EIPR1: variants seen among roughly 807,000 people sequenced by gnomAD.
The protein encoded by EIPR1 is EARP and GARP complex-interacting protein 1.
In EIPR1, 25 loss-of-function variants were observed where a neutral mutation model predicts 48.1. That is an observed-to-expected ratio of 0.52 (90% CI 0.38 to 0.73). The LOEUF (loss-of-function observed/expected upper bound fraction) is 0.73, where lower values mean the gene tolerates loss of function less well. EIPR1 is among the 30% of genes least tolerant of loss of function. The pLI, the probability that EIPR1 is intolerant of heterozygous loss-of-function variation, is 0.00. For synonymous variants in EIPR1, 204 were observed against 201.9 expected, an observed-to-expected ratio of 1.01 and a Z score of -0.09; for missense variants, 415 against 506.2, an observed-to-expected ratio of 0.82 and a Z score of 1.73.
intron 5 of EIPR1, among the ~76,000 whole-genome samples, chr2:3,198,312 T>C (rs1664881039): frequency 6.6e-6 from 1 of 152,180 alleles, no homozygotes; most frequent in South Asian, 2.1e-4. Flanking sequence ...CCCAGTCCTA[T>C]GCAAATGGGC....
At chr2:3,204,324 C>T (rs995810251) in intron 5 of EIPR1, among the ~76,000 whole-genome samples, 2 of 152,350 alleles carry the variant, frequency 1.3e-5, no homozygotes, top group South Asian at 2.1e-4. Flanking sequence ...AAACTTCACA[C>T]TCACAGGTGC....
At chr2:3,216,092 C>T (rs1007837644) in intron 4 of EIPR1, among the ~76,000 whole-genome samples, 4 of 152,152 alleles carry the variant, frequency 2.6e-5, no homozygotes, top group Non-Finnish European at 5.9e-5. Context: ...CACTTCTCTC[C>T]GTAGCCCAGT....
chr2:3,236,171 G>A (rs554021357), intron 4 of EIPR1, among the ~76,000 whole-genome samples: 25 of 152,218 alleles, frequency 1.6e-4, no homozygotes, highest in Non-Finnish European at 3.4e-4. Flanking sequence ...TCATGACATC[G>A]CCGTACGTGT....
chr2:3,347,754 T>TA (rs1342259209), intron 2 of EIPR1, among the ~76,000 whole-genome samples: 1 of 152,194 alleles, frequency 6.6e-6, no homozygotes, highest in Non-Finnish European at 1.5e-5. Context: ...GGATGTACCC[T>TA]AAAAATACAG....
chr2:3,194,546 G>A (rs1257913641), intron 6 of EIPR1, among the ~76,000 whole-genome samples: 1 of 152,164 alleles, frequency 6.6e-6, no homozygotes, highest in Non-Finnish European at 1.5e-5. Flanking sequence ...ACACATTTCT[G>A]GAAGGACACA....
chr2:3,289,340 G>C (rs1668299066), intron 3 of EIPR1, among the ~76,000 whole-genome samples: 1 of 152,184 alleles, frequency 6.6e-6, no homozygotes, highest in Non-Finnish European at 1.5e-5. Flanking sequence ...GACAGAGGAT[G>C]GGGCGTGTGA....
At chr2:3,219,957 G>C (rs747398683) in intron 4 of EIPR1, among the ~76,000 whole-genome samples, 2 of 152,242 alleles carry the variant, frequency 1.3e-5, no homozygotes, top group Non-Finnish European at 2.9e-5. Flanking sequence ...GAGTGGGCAA[G>C]TGACATTACA....
At chr2:3,287,978 G>C (rs564482484) in intron 3 of EIPR1, among the ~76,000 whole-genome samples, 88 of 152,358 alleles carry the variant, frequency 5.8e-4, no homozygotes, top group South Asian at 1.0e-3. Context: ...CCTGCACTAA[G>C]GGGTAATTGC....
intron 3 of EIPR1, among the ~76,000 whole-genome samples, chr2:3,314,423 A>G (rs916936771): frequency 6.6e-6 from 1 of 152,132 alleles, no homozygotes; most frequent in African/African-American, 2.4e-5. Context: ...ATGGGTGGAC[A>G]TTTATTATTT....
intron 5 of EIPR1, among the ~76,000 whole-genome samples, chr2:3,209,438 G>C (rs937213427): frequency 1.3e-5 from 2 of 152,206 alleles, no homozygotes; most frequent in Non-Finnish European, 2.9e-5. Flanking sequence ...CGGACTCCGT[G>C]TCCCCCGCAT....
intron 4 of EIPR1, among the ~76,000 whole-genome samples, chr2:3,218,055 G>A (rs1271090510): frequency 2.0e-5 from 3 of 152,264 alleles, no homozygotes; most frequent in South Asian, 2.1e-4. Flanking sequence ...AGCATTCACA[G>A]TGAGTCAGGT....
chr2:3,210,867 G>T (rs1329810879), intron 5 of EIPR1, among the ~76,000 whole-genome samples: 2 of 152,074 alleles, frequency 1.3e-5, no homozygotes, highest in Non-Finnish European at 2.9e-5. Flanking sequence ...TCAAACTCCT[G>T]ATGTAAGGTG....
intron 3 of EIPR1, among the ~76,000 whole-genome samples, chr2:3,305,854 G>A (rs745788760): frequency 1.3e-5 from 2 of 152,132 alleles, no homozygotes; most frequent in Non-Finnish European, 2.9e-5. Flanking sequence ...CCTCCCAGGC[G>A]GTTCATAGGC....
chr2:3,240,672 ACAGTGAGCAGGTCCCTCCT>A, intron 4 of EIPR1, among the ~76,000 whole-genome samples: 1 of 115,856 alleles, frequency 8.6e-6, no homozygotes, highest in Admixed American at 8.3e-5. Flanking sequence ...TTCCTCAAGA[ACAGTGAGCAGGTCCCTCCT>A]AAAGCAAAGC....
At chr2:3,338,280 T>C (rs1040125520) in intron 2 of EIPR1, 131 bp from the exon 3 acceptor site, 1 of 1,062,190 alleles carries the variant, frequency 9.4e-7, no homozygotes, top group African/African-American at 1.6e-5. Flanking sequence ...ATTGTTATTA[T>C]GCCAACAGTA....
chr2:3,280,636 T>C (rs545316315), intron 3 of EIPR1, among the ~76,000 whole-genome samples: 1 of 152,326 alleles, frequency 6.6e-6, no homozygotes, highest in African/African-American at 2.4e-5. Flanking sequence ...GTATCCGCTC[T>C]GATTTTAACA....
At chr2:3,264,076 A>G (rs773115988) in intron 3 of EIPR1, among the ~76,000 whole-genome samples, 3 of 152,214 alleles carry the variant, frequency 2.0e-5, no homozygotes, top group Non-Finnish European at 4.4e-5. Flanking sequence ...CAAGACATCC[A>G]ATAGATCTCT....
chr2:3,223,034 C>A (rs375682257), intron 4 of EIPR1, among the ~76,000 whole-genome samples: 133 of 152,268 alleles, frequency 8.7e-4, no homozygotes, highest in Middle Eastern at 3.4e-3. Context: ...CCAGGAGCCT[C>A]AGGGTCCTAC....
chr2:3,252,945 AG>A (rs1667047019), intron 4 of EIPR1, among the ~76,000 whole-genome samples: 1 of 152,252 alleles, frequency 6.6e-6, no homozygotes, highest in African/African-American at 2.4e-5. Flanking sequence ...CTCCCTAGCC[AG>A]GGCTCTTTTA....
Sources: allele counts gnomAD v4.1 joint callset (sites outside exome capture counted in the v4.1 genomes callset), GRCh38; gene constraint gnomAD v4.1.1; transcripts MANE v1.5; gene names NCBI Gene and HGNC (gene_info 2026-07-23, HGNC 2026-07-21).